OVCH1: variants seen among roughly 807,000 people sequenced by gnomAD.
OVCH1 encodes ovochymase-1.
OVCH1 carries 139 observed loss-of-function variants against 138.4 expected under a neutral mutation model. The ratio of observed to expected loss-of-function variants is 1.00; its 90% CI spans 0.87 to 1.16. The LOEUF (loss-of-function observed/expected upper bound fraction) is 1.16. Ranked by LOEUF, OVCH1 falls within the 50% of genes most tolerant of loss-of-function variation. The pLI is 0.00. For synonymous variants in OVCH1, 453 were observed against 467.8 expected (o/e 0.97, Z 0.41); for missense variants, 1,367 against 1,357.9 (o/e 1.01, Z -0.11).
At chr12:29,484,652 T>TA (rs1207491230) in intron 8 of OVCH1, among the ~76,000 whole-genome samples, 61 bp downstream of exon 9, 7 of 152,152 alleles carry the variant, frequency 4.6e-5, no homozygotes, top group African/African-American at 1.7e-4. Context: ...TAGAGTGTTT[T>TA]AAACTGCCCC....
At chr12:29,412,748 A>G (rs1940976639) in intron 3 of OVCH1, 1 of 152,222 alleles carries the variant, frequency 6.6e-6, no homozygotes, top group Admixed American at 6.5e-5. Context: ...GACGTTAAAG[A>G]AAAAGGTAAA....
Position 29,487,883 on chromosome 12 carries a change from C to T in OVCH1, c.703-1G>A. ...AAACCAGTGGTCCTCCAGAGTCCCC[C>T]TTTCATGGTACAAAAAAAGAGAAAA... is the stretch of plus-strand genomic sequence containing the variant. On this transcript the variant is annotated splice_acceptor_variant, in intron 6 of 27. Coordinates refer to ENST00000318184, the Ensembl canonical transcript of OVCH1. LOFTEE classifies it high-confidence loss of function. The T allele has an allele frequency of 6.3e-7, 1 of 1,597,728 alleles. No homozygotes were observed. The highest frequency in any genetic ancestry group is 1.4e-5 in the African/African-American group (1 of 73,820).
intron 13 of OVCH1, among the ~76,000 whole-genome samples, chr12:29,475,847 C>T (rs1361302986): frequency 6.6e-6 from 1 of 152,146 alleles, no homozygotes; most frequent in African/African-American, 2.4e-5. Flanking sequence ...GAAATTATAG[C>T]TTTTGGTTAC....
chr12:29,439,414 C>T, exon 26 of OVCH1: 3 of 1,537,336 alleles, frequency 2.0e-6, no homozygotes, highest in East Asian at 2.4e-5. Flanking sequence ...AGTATCATTG[C>T]CAGAGTTCCA....
intron 1 of OVCH1, 25 bp from the exon 2 acceptor site, chr12:29,496,699 G>GCA (rs759498808): frequency 1.3e-6 from 2 of 1,486,878 alleles, no homozygotes; most frequent in Admixed American, 3.5e-5. Flanking sequence ...ATGTGTGTGT[G>GCA]CACACACAGA....
In OVCH1 at chr12:29,478,970, T is replaced by G. The variant is rs372182576; in HGVS notation, c.996-62A>C. 2.5e-6 allele frequency: 3 copies of G among 1,216,486 alleles called. No individual in the cohort carries two copies. Among genetic ancestry groups the G allele is most frequent in the Admixed American group, 2.6e-5 (1 of 38,860 alleles). The allele number at this position is 1,216,486 out of a possible 1,614,324, so 75.4% of individuals were successfully genotyped here. A position where few individuals can be genotyped will look rare whatever the true frequency, so the allele number is the denominator to read the frequency against. On this transcript the variant is annotated intron_variant, in intron 8 of 27. Coordinates refer to ENST00000318184, the Ensembl canonical transcript of OVCH1. ...ACCATTATTTTCCAAACATATAAGC[T>G]GGGGTAGGGGAAGGTGAAGAAAATG...
chr12:29,487,753 G>C, exon 7 of OVCH1: 1 of 1,606,736 alleles, frequency 6.2e-7, no homozygotes, highest in Non-Finnish European at 8.5e-7. Flanking sequence ...AAAATGCCAA[G>C]TGATGCCTTC....
chr12:29,427,436 C>CTATT (rs146994192), downstream of OVCH1: 3,468 of 1,221,446 alleles, frequency 2.8e-3, 44 homozygotes, highest in African/African-American at 0.03. Flanking sequence ...TTAAGGAAGG[C>CTATT]TATTTAGATT....
chr12:29,416,126 A>G (rs1371556000), intron 3 of OVCH1, among the ~76,000 whole-genome samples: 1 of 152,046 alleles, frequency 6.6e-6, no homozygotes, highest in Non-Finnish European at 1.5e-5. Context: ...GAGAGAAAGG[A>G]ACTTCAACCT....
Position 29,496,175 on chromosome 12 carries a change from A to C in OVCH1, c.281+6T>G. 2 of 1,597,026 alleles carry C rather than the reference A, an allele frequency of 1.3e-6. No individual in the cohort carries two copies. Among genetic ancestry groups the C allele is most frequent in the South Asian group, 1.1e-5 (1 of 87,972 alleles). On this transcript the variant is annotated splice_donor_region_variant and intron_variant, in intron 3 of 27. Coordinates refer to ENST00000318184, the Ensembl canonical transcript of OVCH1. ...GCCTGACAAGTAATGGAAATCCACA[A>C]CTTACTCACTGAGGCTGTCCAGGCA... is the stretch of plus-strand genomic sequence containing the variant.
intron 18 of OVCH1, among the ~76,000 whole-genome samples, chr12:29,462,668 A>G (rs1238211531): frequency 6.6e-6 from 1 of 152,070 alleles, no homozygotes; most frequent in African/African-American, 2.4e-5. Context: ...AATAACAAGT[A>G]CTTTACATTT....
At chr12:29,471,852 A>G (rs769744776) in exon 16 of OVCH1, 1 of 1,612,942 alleles carries the variant, frequency 6.2e-7, no homozygotes, top group South Asian at 1.1e-5. Context: ...TGATGATGGC[A>G]CCTCCACATT....
chr12:29,440,155 T>C (rs923555478), intron 25 of OVCH1, among the ~76,000 whole-genome samples: 1 of 152,218 alleles, frequency 6.6e-6, no homozygotes, highest in Non-Finnish European at 1.5e-5. Flanking sequence ...TCACAGGATT[T>C]GTTCCTCTGG....
chr12:29,436,658 G>A (rs928221482), intron 26 of OVCH1, among the ~76,000 whole-genome samples: 25 of 151,992 alleles, frequency 1.6e-4, no homozygotes, highest in African/African-American at 5.3e-4. Flanking sequence ...TCTTCCTTCC[G>A]GTGGGTTCAT....
intron 22 of OVCH1, among the ~76,000 whole-genome samples, chr12:29,447,121 AAG>A (rs1271978442): frequency 6.6e-6 from 1 of 152,062 alleles, no homozygotes; most frequent in East Asian, 1.9e-4. Flanking sequence ...AAGCAATAAA[AAG>A]AATAATACTC....
At chr12:29,463,313 T>C (rs1297091945) in intron 18 of OVCH1, among the ~76,000 whole-genome samples, 1 of 152,122 alleles carries the variant, frequency 6.6e-6, no homozygotes, top group Admixed American at 6.6e-5. Context: ...GGAAGTGATA[T>C]TTTGGTTGAA....
intron 21 of OVCH1, among the ~76,000 whole-genome samples, chr12:29,453,665 T>G (rs1291528912): frequency 6.6e-6 from 1 of 152,096 alleles, no homozygotes; most frequent in African/African-American, 2.4e-5. Flanking sequence ...CTTATTTCAC[T>G]CCTTACCCAT....
At chr12:29,419,477 G>A (rs537972227) in intron 3 of OVCH1, among the ~76,000 whole-genome samples, 66 of 150,156 alleles carry the variant, frequency 4.4e-4, no homozygotes, top group African/African-American at 1.5e-3. Flanking sequence ...TTAATTTTTA[G>A]TAGAGACAGG....
chr12:29,479,819 T>C (rs113260911), intron 8 of OVCH1, among the ~76,000 whole-genome samples: 4,432 of 133,752 alleles, frequency 0.033, 231 homozygotes, highest in African/African-American at 0.1. Flanking sequence ...GCAACTCTTT[T>C]TTTTCTTTTT....
Sources: gnomAD v4.1 joint callset for allele counts (sites outside exome capture counted in the v4.1 genomes callset) on GRCh38, gnomAD v4.1.1 for gene constraint, MANE v1.5 for transcripts, NCBI Gene and HGNC (gene_info 2026-07-23, HGNC 2026-07-21) for gene names.